RPS6KA2: variants seen among roughly 807,000 people sequenced by gnomAD.
The protein encoded by RPS6KA2 is ribosomal protein S6 kinase alpha-2.
In RPS6KA2, 42 loss-of-function variants were observed where a neutral mutation model predicts 91.8. The observed-to-expected ratio is 0.46, with a 90% CI of 0.36 to 0.59. The LOEUF is 0.59. Among genes scored for constraint, RPS6KA2 ranks in the 20% least tolerant of loss-of-function variants. RPS6KA2 has a pLI of 0.00. For missense variants in RPS6KA2, 798 were observed against 978.5 expected (o/e 0.82, Z 2.46); for synonymous variants, 414 against 393.6 (o/e 1.05, Z -0.61).
At chr6:166,464,991 A>AAAAT (rs150212089) in intron 11 of RPS6KA2, among the ~76,000 whole-genome samples, 95 of 150,850 alleles carry the variant, frequency 6.3e-4, no homozygotes, top group Middle Eastern at 3.4e-3. Context: ...TTTACTTAAA[A>AAAAT]AAATAAATAA....
At position 166,733,435 on chromosome 6, in the gene RPS6KA2, G is replaced by C. The variant is rs1790590991; in HGVS notation, c.123+124765C>G. Among the ~76,000 whole-genome samples the C allele has an allele frequency of 6.6e-6, 1 of 152,188 alleles. No individual in the cohort carries two copies. The highest frequency in any genetic ancestry group is 1.5e-5 in the Non-Finnish European group (1 of 68,032). ...GGAAATTTAGAGGCCAACGAGGGCAGGATCTACTCCCAAAAAGACATAGGG... is the reference window on the plus strand; with the variant it reads ...GGAAATTTAGAGGCCAACGAGGGCACGATCTACTCCCAAAAAGACATAGGG... On this transcript the variant is annotated intron_variant, in intron 2 of 21. Transcript: ENST00000503859. This position sits in a 1 kb window ranked among gnomAD's most constrained non-coding sequence, Gnocchi z 4.1.
chr6:166,506,072 C>G (rs373350464), intron 5 of RPS6KA2, among the ~76,000 whole-genome samples: 1 of 152,144 alleles, frequency 6.6e-6, no homozygotes, highest in African/African-American at 2.4e-5. Context: ...CGATGGTCCC[C>G]GTAAGATGCT....
At chr6:166,793,631 G>A (rs1008117612) in intron 2 of RPS6KA2, among the ~76,000 whole-genome samples, 8 of 151,914 alleles carry the variant, frequency 5.3e-5, no homozygotes, top group Non-Finnish European at 1.0e-4. Context: ...AACCAAAACA[G>A]CATGGTACTG....
rs3071099 is a variant in RPS6KA2 at position 166,648,204 on chromosome 6, A to ATG, written c.124-109421_124-109420insCA. Reference sequence around the variant, plus strand: ...CACATGCACACATGCTCATACACACACTCATGCACACACACGCACATGCGC... The same window carrying ATG: ...CACATGCACACATGCTCATACACACATGCTCATGCACACACACGCACATGCGC... On this transcript the variant is annotated intron_variant, in intron 2 of 21. Transcript: ENST00000503859. This position sits in a 1 kb window ranked among gnomAD's most constrained non-coding sequence, Gnocchi z 4.8. Among the ~76,000 whole-genome samples, 7 of 100,186 alleles carry ATG rather than the reference A, an allele frequency of 7.0e-5. No individual in the cohort carries two copies. The South Asian group carries it at 1.8e-3, about 25-fold the overall frequency. The allele number at this position is 100,186 out of a possible 152,430, so 65.7% of individuals were successfully genotyped here.
intron 2 of RPS6KA2, among the ~76,000 whole-genome samples, chr6:166,742,859 C>A (rs894705905): frequency 7.9e-5 from 12 of 152,214 alleles, no homozygotes; most frequent in Admixed American, 6.5e-5. Context: ...GCCAGACACA[C>A]AAACAGACCC....
chr6:166,859,932 G>A (rs991117715), intron 1 of RPS6KA2, among the ~76,000 whole-genome samples: 8 of 152,198 alleles, frequency 5.3e-5, no homozygotes, highest in African/African-American at 1.2e-4. Flanking sequence ...CAGATTTTCC[G>A]ATGAGAAAAG....
chr6:166,455,756 A>C (rs1345732092), intron 12 of RPS6KA2, among the ~76,000 whole-genome samples: 1 of 152,198 alleles, frequency 6.6e-6, no homozygotes. Flanking sequence ...TGCTCTCTGC[A>C]CAAAGTCTGG....
chr6:166,506,659 A>G (rs1782237140), intron 5 of RPS6KA2, among the ~76,000 whole-genome samples: 3 of 152,206 alleles, frequency 2.0e-5, no homozygotes, highest in African/African-American at 7.2e-5. Context: ...CTGGACGCAG[A>G]GGGACAGGGC....
In RPS6KA2 at chr6:166,508,452, G is replaced by A. The variant is rs991298522; in HGVS notation, c.380-170C>T. Among the ~76,000 whole-genome samples, 2 of 140,564 alleles carry A rather than the reference G, an allele frequency of 1.4e-5. No individual in the cohort carries two copies. The highest frequency in any genetic ancestry group is 3.1e-5 in the Non-Finnish European group (2 of 64,556). 92.2% of individuals were successfully genotyped at this position (140,564 alleles called of 152,430 possible). ...CTCAGAGGGGCAGCACCCGGCAGAG[G>A]GGGTCTGACACTGTGAGCGCTGCCC... On this transcript the variant is annotated intron_variant, in intron 4 of 20. Transcript: ENST00000265678. The surrounding 1 kb of genome is among the most constrained non-coding windows in gnomAD (Gnocchi z 4.3).
intron 1 of RPS6KA2, among the ~76,000 whole-genome samples, chr6:166,591,261 G>A (rs575355733): frequency 2.6e-5 from 4 of 152,248 alleles, no homozygotes; most frequent in South Asian, 2.1e-4. Context: ...CATTCAACGC[G>A]ACCAACAGTG....
rs974784343 is a variant in RPS6KA2, at chr6:166,670,009, G to A, written c.124-131225C>T. 1.2e-4 allele frequency among the ~76,000 whole-genome samples: 18 copies of A among 152,368 alleles called. No individual in the cohort carries two copies. In the East Asian group the frequency reaches 3.5e-3, roughly 29 times the overall value. ...TCCCTCTTGCAGGTTCAGAACTGCA[G>A]CCTTTCCAGGGCATCCAGAGATGAG... On this transcript the variant is annotated intron_variant, in intron 2 of 21. Transcript: ENST00000503859.
At chr6:166,468,856 T>TCCATCTCAAAAA (rs567161437) in intron 11 of RPS6KA2, among the ~76,000 whole-genome samples, 6 of 112,182 alleles carry the variant, frequency 5.3e-5, no homozygotes, top group African/African-American at 1.5e-4. Context: ...AGAGCGAGAC[T>TCCATCTCAAAAA]AAAAAAAAAA....
At chr6:166,575,393 G>A (rs1784811092) in intron 1 of RPS6KA2, among the ~76,000 whole-genome samples, 1 of 152,266 alleles carries the variant, frequency 6.6e-6, no homozygotes, top group Non-Finnish European at 1.5e-5. Context: ...GAGCACGAGA[G>A]GGCACCTTTT....
Position 166,448,880 on chromosome 6 carries a change from C to G in RPS6KA2, c.1207-31G>C. ...GAGGGACCAAGAGAAGAAGAGTTGT[C>G]GGAACCCTCACACGAGGGGACGGTG... On this transcript the variant is annotated intron_variant, in intron 13 of 20. Transcript: ENST00000265678. The surrounding 1 kb of genome is among the most constrained non-coding windows in gnomAD (Gnocchi z 4.7). 1 of 1,611,710 alleles carries G rather than the reference C, an allele frequency of 6.2e-7. No individual in the cohort carries two copies. Among genetic ancestry groups the G allele is most frequent in the Non-Finnish European group, 8.5e-7 (1 of 1,178,404 alleles).
chr6:166,553,541 G>A (rs1480746544), intron 1 of RPS6KA2, among the ~76,000 whole-genome samples: 5 of 147,112 alleles, frequency 3.4e-5, no homozygotes, highest in African/African-American at 7.6e-5. Context: ...GCACCCACTC[G>A]TGGTGTTCCC....
At chr6:166,425,078 ACTC>A (rs60110944) in intron 16 of RPS6KA2, among the ~76,000 whole-genome samples, 15,469 of 151,948 alleles carry the variant, frequency 0.1, 2,408 homozygotes, top group African/African-American at 0.34. Context: ...TGGAAGGGAA[ACTC>A]CTCTAGATGC....
chr6:166,607,575 C>T (rs1785998650), intron 1 of RPS6KA2, among the ~76,000 whole-genome samples: 1 of 152,146 alleles, frequency 6.6e-6, no homozygotes, highest in Non-Finnish European at 1.5e-5. Context: ...GAATAGGCAA[C>T]TCTACGGAGA....
intron 1 of RPS6KA2, among the ~76,000 whole-genome samples, chr6:166,564,601 T>A (rs1484576803): frequency 6.6e-6 from 1 of 152,268 alleles, no homozygotes; most frequent in Non-Finnish European, 1.5e-5. Context: ...TCTAGGGCCC[T>A]CTTCTAGGCA....
At chr6:166,538,532 G>T (rs1214684468) in intron 2 of RPS6KA2, 136 bp downstream of exon 2, 2 of 568,038 alleles carry the variant, frequency 3.5e-6, no homozygotes, top group East Asian at 5.5e-5. Context: ...TGAGACCCCG[G>T]TTCTGAACTG....
Sources: allele counts gnomAD v4.1 joint callset (sites outside exome capture counted in the v4.1 genomes callset), GRCh38; gene constraint gnomAD v4.1.1; non-coding constraint Gnocchi (gnomAD v3.1); transcripts MANE v1.5; gene names NCBI Gene and HGNC (gene_info 2026-07-23, HGNC 2026-07-21).